The following ESR1 variants were observed in gnomAD, a reference collection of about 807,000 sequenced individuals.
The protein encoded by ESR1 is estrogen receptor 1.
Under a neutral mutation model 52.7 loss-of-function variants are expected in ESR1, and 12 were observed. The observed-to-expected ratio is 0.23, with a 90% confidence interval of 0.15 to 0.37. ESR1 has a LOEUF of 0.37. Among genes scored for constraint, ESR1 ranks in the 10% least tolerant of loss-of-function variants. The probability of loss-of-function intolerance (pLI) is 1.00; values close to 1 mark genes in which losing one functional copy is unlikely to be tolerated. For synonymous variants in ESR1, 305 were observed against 316.8 expected, an observed-to-expected ratio of 0.96 and a Z score of 0.39; for missense variants, 584 against 779.7, an observed-to-expected ratio of 0.75 and a Z score of 2.99.
At chr6:151,872,450 A>G (rs942808777) in intron 2 of ESR1, among the ~76,000 whole-genome samples, 2 of 152,262 alleles carry the variant, frequency 1.3e-5, no homozygotes, top group South Asian at 2.1e-4. Context: ...TCTCTGCCTC[A>G]TCTACTTTGC....
chr6:151,699,141 G>A (rs945813579), intron 1 of ESR1, among the ~76,000 whole-genome samples: 14 of 152,000 alleles, frequency 9.2e-5, no homozygotes, highest in African/African-American at 2.9e-4. Context: ...CTTCTTTCTC[G>A]ACATTTGGAT....
intron 4 of ESR1, chr6:151,983,851 G>C (rs537042505): frequency 6.6e-6 from 1 of 152,216 alleles, no homozygotes; most frequent in Non-Finnish European, 1.5e-5. Flanking sequence ...GAGACAAATA[G>C]AAAATTTAAA....
At chr6:151,929,087 C>T (rs1011764117) in intron 3 of ESR1, among the ~76,000 whole-genome samples, 6 of 152,074 alleles carry the variant, frequency 3.9e-5, no homozygotes, top group African/African-American at 1.2e-4. Context: ...TTCATCATAC[C>T]GTTTAGGTCA....
chr6:152,099,529 T>C lies in ESR1; in HGVS notation c.*563T>C. On this transcript the variant is annotated 3_prime_UTR_variant, in exon 8 of 8. Transcript: ENST00000206249. ...TTTTATATGACTGTAGCAGAGTATC[T>C]GGTGATTGTCAATTCATTCCCCCTA... 4.1e-6 allele frequency: 1 copy of C among 245,482 alleles called. No individual in the cohort carries two copies. Among genetic ancestry groups the C allele is most frequent in the East Asian group, 5.8e-5 (1 of 17,366 alleles). 15.2% of individuals were successfully genotyped at this position (245,482 alleles called of 1,614,324 possible).
At chr6:151,689,829 T>C (rs1778833356), upstream of ESR1, among the ~76,000 whole-genome samples, 1 of 152,160 alleles carries the variant, frequency 6.6e-6, no homozygotes, top group Admixed American at 6.5e-5. Context: ...ACACCAGACA[T>C]GATGAGATAT....
At chr6:152,059,380 C>T (rs9397080) in intron 5 of ESR1, among the ~76,000 whole-genome samples, 33,322 of 151,466 alleles carry the variant, frequency 0.22, 5,321 homozygotes, top group African/African-American at 0.44. Flanking sequence ...ATAAATGAAA[C>T]GTTCGATAAA....
chr6:151,792,458 G>A (rs1583305733), intron 2 of ESR1, among the ~76,000 whole-genome samples: 1 of 150,228 alleles, frequency 6.7e-6, no homozygotes, highest in African/African-American at 2.5e-5. Flanking sequence ...TTTTTTTTTA[G>A]AGATAGGGTC....
chr6:152,020,324 A>AG (rs1301501671), intron 5 of ESR1, among the ~76,000 whole-genome samples: 8 of 152,174 alleles, frequency 5.3e-5, no homozygotes, highest in Non-Finnish European at 8.8e-5. Context: ...GGGAAAGCAG[A>AG]GTATGTTGGC....
At position 152,094,063 on chromosome 6, in the gene ESR1, A is replaced by C. The variant is rs1327017209; in HGVS notation, c.1370-322A>C. ...TCAGTTACATGGTCAATTACATTACATGGACAATTCATGATGGTGTCAGAC... is the reference window on the plus strand; with the variant it reads ...TCAGTTACATGGTCAATTACATTACCTGGACAATTCATGATGGTGTCAGAC... On this transcript the variant is annotated intron_variant, in intron 6 of 7. Transcript: ENST00000206249. The surrounding 1 kb of genome is among the most constrained non-coding windows in gnomAD (Gnocchi z 4.6). Among the ~76,000 whole-genome samples the C allele has an allele frequency of 6.6e-6, 1 of 152,200 alleles. No homozygotes were observed.
intron 2 of ESR1, among the ~76,000 whole-genome samples, chr6:151,736,918 T>C (rs1562367175): frequency 6.6e-6 from 1 of 152,022 alleles, no homozygotes; most frequent in Non-Finnish European, 1.5e-5. Context: ...TTCAAAAACA[T>C]GAGATAAAAA....
chr6:151,757,372 C>T (rs1562381775), intron 2 of ESR1, among the ~76,000 whole-genome samples: 1 of 152,204 alleles, frequency 6.6e-6, no homozygotes, highest in Non-Finnish European at 1.5e-5. Flanking sequence ...TTTTATTACT[C>T]ATCTCTATAA....
At position 151,791,646 on chromosome 6, in the gene ESR1, C is replaced by A. The variant is rs1055101629; in HGVS notation, c.-70-16197C>A. Among the ~76,000 whole-genome samples the A allele has an allele frequency of 2.6e-5, 4 of 152,180 alleles. No homozygotes were observed. The East Asian group carries it at 7.7e-4, about 29-fold the overall frequency. On this transcript the variant is annotated intron_variant, in intron 2 of 2. Transcript: ENST00000404742. ...CAAAGGAGAGCCAGTGCAATCAACA[C>A]GAAGGGCCCATCTTGAACTCCTAAG...
intron 2 of ESR1, among the ~76,000 whole-genome samples, chr6:151,790,076 T>A (rs1787385467): frequency 6.6e-6 from 1 of 152,208 alleles, no homozygotes; most frequent in Non-Finnish European, 1.5e-5. Context: ...GATCCCTCCA[T>A]GCAGGTGGCA....
chr6:152,008,870 G>T (rs2042542815), intron 4 of ESR1, among the ~76,000 whole-genome samples: 1 of 151,976 alleles, frequency 6.6e-6, no homozygotes, highest in African/African-American at 2.4e-5. Flanking sequence ...TAAAAAATTG[G>T]GGTGAAATCT....
intron 2 of ESR1, among the ~76,000 whole-genome samples, chr6:151,867,123 A>G (rs902985935): frequency 1.3e-5 from 2 of 152,226 alleles, no homozygotes; most frequent in African/African-American, 4.8e-5. Flanking sequence ...CTCAAGATGG[A>G]TTAAAGACTT....
At chr6:151,911,420 G>A (rs1204777557) in intron 3 of ESR1, among the ~76,000 whole-genome samples, 2 of 152,116 alleles carry the variant, frequency 1.3e-5, no homozygotes, top group Non-Finnish European at 2.9e-5. Context: ...ATATTAATGG[G>A]TTCAGTTGTT....
At chr6:152,049,501 A>T (rs375669573) in intron 5 of ESR1, among the ~76,000 whole-genome samples, 1 of 152,248 alleles carries the variant, frequency 6.6e-6, no homozygotes, top group East Asian at 1.9e-4. Flanking sequence ...GTCCAGACAC[A>T]TCTTTTCCAT....
At chr6:151,806,557 T>TATATATATAC (rs1554259008), upstream of ESR1, among the ~76,000 whole-genome samples, 1,022 of 133,706 alleles carry the variant, frequency 7.6e-3, 21 homozygotes, top group African/African-American at 0.027. Flanking sequence ...TATATATATA[T>TATATATATAC]ACACATATAT....
At chr6:151,785,184 A>T (rs1200401684) in intron 2 of ESR1, among the ~76,000 whole-genome samples, 1 of 152,202 alleles carries the variant, frequency 6.6e-6, no homozygotes, top group Non-Finnish European at 1.5e-5. Context: ...CATCACAGTG[A>T]CCAAGACAGA....
Sources: gnomAD v4.1 joint callset for allele counts (sites outside exome capture counted in the v4.1 genomes callset) on GRCh38, gnomAD v4.1.1 for gene constraint, Gnocchi (gnomAD v3.1) non-coding constraint, MANE v1.5 for transcripts, NCBI Gene and HGNC (gene_info 2026-07-23, HGNC 2026-07-21) for gene names.